The following FGF14 variants were observed in gnomAD, a reference collection of about 807,000 sequenced individuals.
FGF14 encodes the protein fibroblast growth factor homologous factor 4.
FGF14 carries 5 observed loss-of-function variants against 25.5 expected under a neutral mutation model. The ratio of observed to expected loss-of-function variants is 0.20; its 90% CI spans 0.10 to 0.41. FGF14 has a LOEUF of 0.41. FGF14 is among the 10% of genes least tolerant of loss of function. FGF14 has a pLI of 1.00. For synonymous variants in FGF14, 138 were observed against 118.3 expected, an observed-to-expected ratio of 1.17 and a Z score of -1.08; for missense variants, 222 against 320.1, an observed-to-expected ratio of 0.69 and a Z score of 2.34.
intron 1 of FGF14, among the ~76,000 whole-genome samples, chr13:101,908,594 T>C (rs577398023): frequency 3.2e-4 from 48 of 152,092 alleles, no homozygotes; most frequent in African/African-American, 9.6e-4. Flanking sequence ...TAAAAGAGGA[T>C]ACAAACAAAT....
In FGF14 at chr13:101,722,332, G is replaced by A; in HGVS notation, c.*499C>T. ...TAGAGGAACAAAATCCCTGCAAAAG[G>A]TCACAGACAGTGGAGCGAGCAGCCC... is the stretch of plus-strand genomic sequence containing the variant. On this transcript the variant is annotated 3_prime_UTR_variant, in exon 5 of 5. Transcript: ENST00000376143. 1 of 197,928 alleles carries A rather than the reference G, an allele frequency of 5.1e-6. No homozygotes were observed. The highest frequency in any genetic ancestry group is 1.0e-5 in the Non-Finnish European group (1 of 95,988). 12.3% of individuals were successfully genotyped at this position (197,928 alleles called of 1,614,324 possible). A position where few individuals can be genotyped will look rare whatever the true frequency, so the allele number is the denominator to read the frequency against.
intron 3 of FGF14, among the ~76,000 whole-genome samples, chr13:101,735,086 GGA>G (rs939873057): frequency 6.6e-6 from 1 of 152,026 alleles, no homozygotes; most frequent in Admixed American, 6.6e-5. Context: ...TCTCGCTGGA[GGA>G]GAGAGAGAGT....
intron 1 of FGF14, among the ~76,000 whole-genome samples, chr13:102,303,923 T>C (rs1342879295): frequency 6.6e-6 from 1 of 152,160 alleles, no homozygotes; most frequent in Non-Finnish European, 1.5e-5. Context: ...AGCAACAAAT[T>C]TACCAACAGC....
chr13:101,919,328 A>C (rs571296484), upstream of FGF14, among the ~76,000 whole-genome samples: 115 of 151,980 alleles, frequency 7.6e-4, no homozygotes, highest in Non-Finnish European at 1.5e-3. Context: ...GAGTGTTTCA[A>C]AAAAGTAAAA....
intron 1 of FGF14, among the ~76,000 whole-genome samples, chr13:102,279,457 T>A (rs2053717750): frequency 6.6e-6 from 1 of 152,158 alleles, no homozygotes; most frequent in Admixed American, 6.6e-5. Flanking sequence ...GTTGCCAGGG[T>A]TTGCTTCTTC....
intron 1 of FGF14, among the ~76,000 whole-genome samples, chr13:101,888,845 G>T (rs1387915243): frequency 6.6e-6 from 1 of 150,954 alleles, no homozygotes; most frequent in African/African-American, 2.4e-5. Flanking sequence ...GCATCAAAGG[G>T]AGTATTATTA....
intron 2 of FGF14, among the ~76,000 whole-genome samples, chr13:101,873,941 G>C (rs751715580): frequency 2.5e-4 from 38 of 151,892 alleles, no homozygotes; most frequent in Non-Finnish European, 5.9e-5. Flanking sequence ...GACACAAAGA[G>C]AGTAAAGAGA....
In FGF14 at chr13:102,154,848, G is replaced by T. The variant is rs372405760; in HGVS notation, c.208+246623C>A. 1.8e-4 allele frequency among the ~76,000 whole-genome samples: 27 copies of T among 151,968 alleles called. 1 individual carries two copies. The East Asian group carries it at 4.2e-3, about 24-fold the overall frequency. ...TACCAAGCAAATGGAAAAAAAAAAG[G>T]CAGGGGTTGCAATCCTAGTCTCTGA... On this transcript the variant is annotated intron_variant, in intron 1 of 4. Transcript: ENST00000376131.
intron 1 of FGF14, among the ~76,000 whole-genome samples, chr13:102,322,729 A>G (rs757462396): frequency 1.3e-5 from 2 of 152,132 alleles, no homozygotes; most frequent in Non-Finnish European, 2.9e-5. Flanking sequence ...GGATGAATAC[A>G]TTTGTAGCTT....
rs1054092419 is a variant in FGF14, at chr13:102,104,963, T to C, written c.209-229667A>G. 2.8e-5 allele frequency among the ~76,000 whole-genome samples: 4 copies of C among 145,224 alleles called. No homozygotes were observed. The South Asian group carries it at 8.8e-4, about 32-fold the overall frequency. ...TTAAGAATAAAACACATTTCCAGAA[T>C]CCAGATTACGCTGTAGCAAGGACTG... On this transcript the variant is annotated intron_variant, in intron 1 of 4. Coordinates refer to the FGF14 transcript ENST00000376131.
At chr13:101,827,925 A>T (rs1272930010) in intron 3 of FGF14, among the ~76,000 whole-genome samples, 3 of 124,092 alleles carry the variant, frequency 2.4e-5, no homozygotes, top group Non-Finnish European at 3.5e-5. Flanking sequence ...GCTAATTTCT[A>T]AAAAAAAAAA....
At chr13:101,895,393 A>G (rs746105504) in intron 1 of FGF14, among the ~76,000 whole-genome samples, 12 of 152,158 alleles carry the variant, frequency 7.9e-5, no homozygotes, top group Non-Finnish European at 1.6e-4. Context: ...AAGCATAAAG[A>G]AATACTTTAT....
intron 3 of FGF14, among the ~76,000 whole-genome samples, chr13:101,747,531 C>T (rs1199144909): frequency 1.3e-5 from 2 of 151,996 alleles, no homozygotes; most frequent in Non-Finnish European, 2.9e-5. Context: ...GACTAGGACA[C>T]TTACATGAGG....
intron 1 of FGF14, among the ~76,000 whole-genome samples, chr13:101,947,771 C>G (rs1210066484): frequency 1.3e-5 from 2 of 152,136 alleles, no homozygotes; most frequent in Non-Finnish European, 2.9e-5. Context: ...TACCCCAAAC[C>G]TCAGCATCAT....
chr13:102,075,629 T>G (rs1322736355), intron 1 of FGF14, among the ~76,000 whole-genome samples: 3 of 152,216 alleles, frequency 2.0e-5, no homozygotes. Flanking sequence ...TACTATACAT[T>G]TTATCATTAT....
intron 1 of FGF14, among the ~76,000 whole-genome samples, chr13:102,164,695 T>C (rs935342899): frequency 6.6e-6 from 1 of 152,202 alleles, no homozygotes; most frequent in African/African-American, 2.4e-5. Context: ...GTCCAATAGA[T>C]TAGCTGGTTC....
chr13:101,884,828 C>CCTG (rs2138834605), intron 1 of FGF14, among the ~76,000 whole-genome samples: 1 of 150,964 alleles, frequency 6.6e-6, no homozygotes, highest in South Asian at 2.1e-4. Context: ...TCCCTGTCTC[C>CCTG]CTGCCTAATC....
chr13:101,736,034 CTTTG>C (rs985292550), intron 3 of FGF14, among the ~76,000 whole-genome samples: 1 of 152,150 alleles, frequency 6.6e-6, no homozygotes, highest in Admixed American at 6.5e-5. Flanking sequence ...CAAAACGTTT[CTTTG>C]TTTGACAAAT....
At chr13:102,119,399 T>C (rs1346074391) in intron 1 of FGF14, among the ~76,000 whole-genome samples, 2 of 152,042 alleles carry the variant, frequency 1.3e-5, no homozygotes, top group Non-Finnish European at 2.9e-5. Flanking sequence ...CAATAACCAA[T>C]GCAATGCAAT....
Sources: gnomAD v4.1 joint callset for allele counts (sites outside exome capture counted in the v4.1 genomes callset) on GRCh38, gnomAD v4.1.1 for gene constraint, MANE v1.5 for transcripts, NCBI Gene and HGNC (gene_info 2026-07-23, HGNC 2026-07-21) for gene names.